Variants in MOSMO observed in about 807,000 individuals in gnomAD.
MOSMO encodes modulator of smoothened protein.
A neutral mutation model predicts 18.4 loss-of-function variants in MOSMO; 5 were observed. That is an observed-to-expected ratio of 0.27 (90% CI 0.14 to 0.57). The LOEUF (loss-of-function observed/expected upper bound fraction) is 0.57. Among genes scored for constraint, MOSMO ranks in the 20% least tolerant of loss-of-function variants. The pLI is 0.92. For synonymous variants in MOSMO, 82 were observed against 82.3 expected, an observed-to-expected ratio of 1.00 and a Z score of 0.02; for missense variants, 138 against 211.8, an observed-to-expected ratio of 0.65 and a Z score of 2.16.
At position 22,080,870 on chromosome 16, in the gene MOSMO, T is replaced by C; in HGVS notation, c.494T>C (p.Leu165Ser). Residue 165 changes from leucine to serine, a missense_variant, in exon 3 of 3, where the codon TTA becomes TCA. Leu to Ser is a moderately radical substitution (Grantham distance 145, BLOSUM62 -2). Coordinates refer to ENST00000542527, the MANE Select transcript of MOSMO (RefSeq NM_001164579.2). ...CTTCTATTTGCTGGCAAAGTTTGTT[T>C]ACCAGGCTGATGAATGTCTAAATTG... ...VGLLFAGKVC[L>S]PG is the part of the protein sequence containing the mutation. 3 of 1,392,274 alleles carry C rather than the reference T, an allele frequency of 2.2e-6. No homozygotes were observed. The highest frequency in any genetic ancestry group is 2.8e-6 in the Non-Finnish European group (3 of 1,071,248). 86.2% of individuals were successfully genotyped at this position (1,392,274 alleles called of 1,614,324 possible).
At chr16:22,049,608 T>G (rs1167191789) in intron 1 of MOSMO, among the ~76,000 whole-genome samples, 1 of 152,226 alleles carries the variant, frequency 6.6e-6, no homozygotes, top group Non-Finnish European at 1.5e-5. Context: ...TCATGTGTAT[T>G]GCACAGAGGT....
downstream of MOSMO, chr16:22,089,989 G>C (rs929337450): frequency 1.3e-5 from 2 of 151,980 alleles, no homozygotes; most frequent in Admixed American, 1.3e-4. Flanking sequence ...AAAAAAAAAG[G>C]CTCTTTCTTT....
At chr16:22,014,541 A>G (rs999560842) in intron 1 of MOSMO, among the ~76,000 whole-genome samples, 7 of 152,108 alleles carry the variant, frequency 4.6e-5, no homozygotes, top group Middle Eastern at 3.2e-3. Context: ...CTTGACATCT[A>G]TCTCATAAGG....
At position 22,065,492 on chromosome 16, in the gene MOSMO, G is replaced by C. The variant is rs1900732073; in HGVS notation, c.107-9995G>C. Among the ~76,000 whole-genome samples the C allele has an allele frequency of 2.0e-5, 3 of 152,046 alleles. 1 individual carries two copies. The highest frequency in any genetic ancestry group is 4.4e-5 in the Non-Finnish European group (3 of 68,012). On this transcript the variant is annotated intron_variant, in intron 1 of 2. Coordinates refer to ENST00000542527, the MANE Select transcript of MOSMO (RefSeq NM_001164579.2). The stretch of plus-strand genomic sequence containing the variant: ...GAATAATATACTAAAAAGTTGAACA[G>C]GGAAGTAATGTCCTGACTACTTTTT...
intron 1 of MOSMO, among the ~76,000 whole-genome samples, chr16:22,023,997 T>TTTTATATATATATATA (rs371289654): frequency 7.9e-6 from 1 of 126,314 alleles, no homozygotes; most frequent in Non-Finnish European, 1.6e-5. Context: ...TTTGTACAAA[T>TTTTATATATATATATA]TATATATATA....
downstream of MOSMO, chr16:22,089,945 C>T (rs1015994881): frequency 6.6e-6 from 1 of 151,890 alleles, no homozygotes; most frequent in African/African-American, 2.4e-5. Context: ...TCCTGAGAGG[C>T]ATGTTTGCCT....
chr16:22,039,271 G>A (rs753043351), intron 1 of MOSMO, among the ~76,000 whole-genome samples: 6 of 152,104 alleles, frequency 3.9e-5, no homozygotes, highest in Non-Finnish European at 8.8e-5. Flanking sequence ...AACATTATTT[G>A]TGACCCAATT....
intron 1 of MOSMO, among the ~76,000 whole-genome samples, chr16:22,067,261 G>C (rs1357606833): frequency 6.6e-6 from 1 of 151,988 alleles, no homozygotes; most frequent in East Asian, 1.9e-4. Context: ...TACACATAAC[G>C]GGAATTCCTG....
At chr16:22,010,645 G>A (rs1210037239) in intron 1 of MOSMO, among the ~76,000 whole-genome samples, 14 of 152,306 alleles carry the variant, frequency 9.2e-5, no homozygotes, top group Middle Eastern at 6.8e-3. Flanking sequence ...ATAGCCGGGC[G>A]TGGTGGCTCA....
intron 1 of MOSMO, among the ~76,000 whole-genome samples, chr16:22,072,743 C>T (rs1305110588): frequency 1.3e-5 from 2 of 149,012 alleles, no homozygotes; most frequent in South Asian, 4.2e-4. Context: ...ACCCGGGAGG[C>T]GGAGCTTGCC....
intron 1 of MOSMO, among the ~76,000 whole-genome samples, chr16:22,060,725 T>C (rs887586923): frequency 6.6e-6 from 1 of 152,056 alleles, no homozygotes; most frequent in African/African-American, 2.4e-5. Flanking sequence ...ATACAAAAGT[T>C]AGCTGGGCTT....
intron 1 of MOSMO, among the ~76,000 whole-genome samples, chr16:22,045,998 G>A (rs1900301558): frequency 6.6e-6 from 1 of 151,570 alleles, no homozygotes; most frequent in South Asian, 2.1e-4. Flanking sequence ...TTTAACATTA[G>A]GTATATCTCC....
chr16:22,013,636 C>A (rs778451490), intron 1 of MOSMO, among the ~76,000 whole-genome samples: 1 of 152,006 alleles, frequency 6.6e-6, no homozygotes, highest in African/African-American at 2.4e-5. Context: ...TTTCAGTGAC[C>A]GTAATCCTAA....
At chr16:22,040,658 G>A (rs1356996395) in intron 1 of MOSMO, among the ~76,000 whole-genome samples, 2 of 152,166 alleles carry the variant, frequency 1.3e-5, no homozygotes, top group Non-Finnish European at 2.9e-5. Flanking sequence ...AAGGTTACAT[G>A]TAAGATACAT....
intron 1 of MOSMO, among the ~76,000 whole-genome samples, chr16:22,008,896 G>A (rs900682194): frequency 6.6e-6 from 1 of 152,124 alleles, no homozygotes; most frequent in Non-Finnish European, 1.5e-5. Flanking sequence ...GGCGAGGGGA[G>A]GCCGAGAGGG....
intron 1 of MOSMO, among the ~76,000 whole-genome samples, chr16:22,038,372 C>T (rs368416564): frequency 2.6e-5 from 4 of 152,262 alleles, no homozygotes; most frequent in Admixed American, 6.5e-5. Context: ...GGTTAGTCAA[C>T]ATCCATCGTA....
Position 22,080,747 on chromosome 16 carries a change from A to G in MOSMO, c.371A>G (p.Asn124Ser), listed in dbSNP as rs960821812. 1.9e-5 allele frequency: 29 copies of G among 1,505,272 alleles called. No individual in the cohort carries two copies. Among genetic ancestry groups the G allele is most frequent in the Admixed American group, 6.7e-5 (3 of 45,088 alleles). 93.2% of individuals were successfully genotyped at this position (1,505,272 alleles called of 1,614,324 possible). Residue 124 changes from asparagine (N) to serine (S), a missense_variant, in exon 3 of 3, where the codon AAT becomes AGT. Asn to Ser is a conservative substitution (Grantham distance 46, BLOSUM62 1). Transcript: ENST00000542527. Reference sequence around the variant, plus strand: ...ATATTTCCAATAGGATTTTACATCAATGAAGTCGGAGGTCAACCTTATAAA... The same window carrying G: ...ATATTTCCAATAGGATTTTACATCAGTGAAGTCGGAGGTCAACCTTATAAA... Reference protein sequence around the residue: ...ALIFPIGFYINEVGGQPYKLP... With the variant: ...ALIFPIGFYISEVGGQPYKLP...
intron 1 of MOSMO, among the ~76,000 whole-genome samples, chr16:22,063,557 A>C (rs1900691926): frequency 6.6e-6 from 1 of 152,224 alleles, no homozygotes; most frequent in South Asian, 2.1e-4. Context: ...ATAAGAGCCT[A>C]AAGTTGATGT....
chr16:22,029,814 G>A (rs1353849951), intron 1 of MOSMO, among the ~76,000 whole-genome samples: 1 of 152,008 alleles, frequency 6.6e-6, no homozygotes, highest in African/African-American at 2.4e-5. Flanking sequence ...TTTTTGTAGA[G>A]GTGGGGTTTC....
Sources: gnomAD v4.1 joint callset for allele counts (sites outside exome capture counted in the v4.1 genomes callset) on GRCh38, gnomAD v4.1.1 for gene constraint, MANE v1.5 for transcripts, NCBI Gene and HGNC (gene_info 2026-07-23, HGNC 2026-07-21) for gene names.